GREB1: variants seen among roughly 807,000 people sequenced by gnomAD.
GREB1 encodes the protein protein GREB1.
A neutral mutation model predicts 200.7 loss-of-function variants in GREB1; 106 were observed. The observed-to-expected ratio is 0.53, with a 90% CI of 0.45 to 0.62. The LOEUF (loss-of-function observed/expected upper bound fraction) is 0.62. GREB1 is among the 20% of genes least tolerant of loss of function. The pLI, the probability that GREB1 is intolerant of heterozygous loss-of-function variation, is 0.00. For synonymous variants in GREB1, 1,132 were observed against 1,092.4 expected (o/e 1.04, Z -0.72); for missense variants, 2,243 against 2,556.8 (o/e 0.88, Z 2.65).
chr2:11,525,275 G>T (rs1021724195), intron 1 of GREB1, among the ~76,000 whole-genome samples: 2 of 152,036 alleles, frequency 1.3e-5, no homozygotes, highest in Admixed American at 6.6e-5. Context: ...GAGGCCGAAG[G>T]GGGTGGATCA....
chr2:11,514,843 G>C (rs1558493710), intron 1 of GREB1, among the ~76,000 whole-genome samples: 1 of 152,250 alleles, frequency 6.6e-6, no homozygotes, highest in Non-Finnish European at 1.5e-5. Flanking sequence ...GCAGGCATCA[G>C]TCATCTCTGT....
At chr2:11,608,417 T>G (rs573016873) in intron 17 of GREB1, among the ~76,000 whole-genome samples, 1 of 152,326 alleles carries the variant, frequency 6.6e-6, no homozygotes, top group Non-Finnish European at 1.5e-5. Flanking sequence ...ATGGATCATA[T>G]TTGCCTGCTT....
intron 24 of GREB1, 128 bp downstream of exon 24, chr2:11,625,440 C>T (rs1026230021): frequency 6.0e-6 from 5 of 832,552 alleles, no homozygotes; most frequent in Non-Finnish European, 9.7e-6. Flanking sequence ...TAGTACAGAA[C>T]TGAGGTCACC....
At chr2:11,557,619 G>C (rs1288486667) in intron 2 of GREB1, among the ~76,000 whole-genome samples, 1 of 152,184 alleles carries the variant, frequency 6.6e-6, no homozygotes, top group Non-Finnish European at 1.5e-5. Context: ...AGGTGTGGAG[G>C]TGCTTGTCTT....
rs367781781 is a variant in GREB1 at position 11,618,377 on chromosome 2, G to C, written c.3502G>C (p.Glu1168Gln). Residue 1168 changes from glutamate (E) to glutamine (Q), a missense_variant, in exon 22 of 33, where the codon GAG (glutamate) becomes CAG (glutamine). Coordinates refer to ENST00000381486, the MANE Select transcript of GREB1 (RefSeq NM_014668.4). ...ARSPQPRGPA[E>Q]EGRAPGEKQR... ...GTCGCCCCAGCCCCGTGGCCCCGCA[G>C]AGGAGGGCAGAGCCCCTGGTGAGAA... 17 of 1,611,628 alleles carry C rather than the reference G, an allele frequency of 1.1e-5. No homozygotes were observed. The South Asian group carries it at 1.6e-4, about 16-fold the overall frequency.
intron 1 of GREB1, among the ~76,000 whole-genome samples, chr2:11,490,844 C>G (rs562216305): frequency 1.3e-5 from 2 of 152,208 alleles, no homozygotes; most frequent in Non-Finnish European, 2.9e-5. Flanking sequence ...CCACCACACC[C>G]GGCCTTGGAA....
chr2:11,605,637 T>G (rs1446815438), intron 17 of GREB1, among the ~76,000 whole-genome samples: 2 of 152,190 alleles, frequency 1.3e-5, no homozygotes, highest in East Asian at 3.8e-4. Context: ...CCTGTCCTTT[T>G]CCCACAGTAG....
intron 1 of GREB1, among the ~76,000 whole-genome samples, chr2:11,490,271 G>T (rs951566443): frequency 6.6e-6 from 1 of 152,016 alleles, no homozygotes; most frequent in African/African-American, 2.4e-5. Context: ...TGGCAGATTT[G>T]CCTATTGTGG....
At chr2:11,537,964 CTG>C (rs1163707145) in intron 1 of GREB1, among the ~76,000 whole-genome samples, 1 of 152,020 alleles carries the variant, frequency 6.6e-6, no homozygotes, top group African/African-American at 2.4e-5. Context: ...TTATTGCAGG[CTG>C]TGTTAAGTAT....
In GREB1 at chr2:11,612,569, G is replaced by T; in HGVS notation, c.3081G>T (p.Leu1027=). 6.2e-7 allele frequency: 1 copy of T among 1,612,600 alleles called. No homozygotes were observed. Among genetic ancestry groups the T allele is most frequent in the Non-Finnish European group, 8.5e-7 (1 of 1,179,682 alleles). The change falls in exon 19 of 33, where the codon CTG becomes CTT. Residue 1027 remains leucine (L), a synonymous_variant. Coordinates refer to ENST00000381486, the MANE Select transcript of GREB1 (RefSeq NM_014668.4). ...YLELEGLPCI[L]IFSGMDPHGE... Reference sequence around the variant, plus strand: ...AGCTGGAGGGTCTGCCTTGCATCCTGATCTTCAGTGGGATGGACCCGCATG... The same window carrying T: ...AGCTGGAGGGTCTGCCTTGCATCCTTATCTTCAGTGGGATGGACCCGCATG...
chr2:11,502,621 A>G (rs1007586554), intron 1 of GREB1, among the ~76,000 whole-genome samples: 3 of 152,150 alleles, frequency 2.0e-5, no homozygotes, highest in Non-Finnish European at 2.9e-5. Context: ...ATAAACTACT[A>G]AAGGAGCAAA....
chr2:11,578,855 C>T (rs1346738130), intron 6 of GREB1, among the ~76,000 whole-genome samples: 4 of 152,232 alleles, frequency 2.6e-5, no homozygotes, highest in Admixed American at 6.5e-5. Context: ...CCAACAACCA[C>T]GCTGTGAGCA....
At position 11,597,554 on chromosome 2, in the gene GREB1, T is replaced by C. The variant is rs2148219526; in HGVS notation, c.1955-227T>C. 6.6e-6 allele frequency among the ~76,000 whole-genome samples: 1 copy of C among 152,290 alleles called. No individual in the cohort carries two copies. On this transcript the variant is annotated intron_variant, in intron 13 of 32. Coordinates refer to ENST00000381486, the MANE Select transcript of GREB1 (RefSeq NM_014668.4). The surrounding 1 kb of genome is among the most constrained non-coding windows in gnomAD (Gnocchi z 4.1). ...GTGCTCCCCAAGTGCTTGGTTCTTA[T>C]TTTTATTATTAAGTGAAAGATGGTG...
At chr2:11,592,153 A>T in intron 10 of GREB1, 1 of 957,728 alleles carries the variant, frequency 1.0e-6, no homozygotes. Flanking sequence ...TTCTCTAACA[A>T]GCTATGGGAA....
In GREB1 at chr2:11,548,670, G is replaced by A. The variant is rs1675524940; in HGVS notation, c.-161-7784G>A. Among the ~76,000 whole-genome samples, 1 of 152,066 alleles carries A rather than the reference G, an allele frequency of 6.6e-6. No individual in the cohort carries two copies. The highest frequency in any genetic ancestry group is 1.9e-4 in the East Asian group (1 of 5,170). On this transcript the variant is annotated intron_variant, in intron 1 of 32. Transcript: ENST00000381486. This position sits in a 1 kb window ranked among gnomAD's most constrained non-coding sequence, Gnocchi z 5.1. The stretch of plus-strand genomic sequence containing the variant: ...TGGAGCCTTCTGTCCCTGCTCCAGT[G>A]TGGATCATTTAGCTGTTCTCATCAT...
intron 4 of GREB1, among the ~76,000 whole-genome samples, chr2:11,573,822 C>T (rs543472975): frequency 9.2e-5 from 14 of 152,328 alleles, no homozygotes; most frequent in East Asian, 3.9e-4. Context: ...GAGATGGAGA[C>T]GGCCTCTGCA....
At chr2:11,587,437 G>T (rs1485951838) in intron 9 of GREB1, 1 of 1,613,788 alleles carries the variant, frequency 6.2e-7, no homozygotes, top group Non-Finnish European at 8.5e-7. Context: ...AACCTGCATC[G>T]CCCCGGAGCT....
At chr2:11,520,356 G>A (rs1359105975) in intron 1 of GREB1, among the ~76,000 whole-genome samples, 2 of 152,188 alleles carry the variant, frequency 1.3e-5, no homozygotes, top group Non-Finnish European at 2.9e-5. Flanking sequence ...CAGAAGATCG[G>A]TTTTGGTCTC....
chr2:11,519,662 G>A (rs918210369), intron 1 of GREB1, among the ~76,000 whole-genome samples: 3 of 151,592 alleles, frequency 2.0e-5, no homozygotes, highest in African/African-American at 7.3e-5. Context: ...TCACCATGTT[G>A]CCAGGCTGGT....
Sources: gnomAD v4.1 joint callset for allele counts (sites outside exome capture counted in the v4.1 genomes callset) on GRCh38, gnomAD v4.1.1 for gene constraint, Gnocchi (gnomAD v3.1) non-coding constraint, MANE v1.5 for transcripts, NCBI Gene and HGNC (gene_info 2026-07-23, HGNC 2026-07-21) for gene names.